ZC3H12B: variants seen among roughly 807,000 people sequenced by gnomAD.
ZC3H12B encodes the protein probable ribonuclease ZC3H12B.
In ZC3H12B, 7 loss-of-function variants were observed where a neutral mutation model predicts 43.9. The observed-to-expected ratio is 0.16, with a 90% confidence interval of 0.09 to 0.30. ZC3H12B has a LOEUF of 0.30. Among genes scored for constraint, ZC3H12B ranks in the 10% least tolerant of loss-of-function variants. The pLI, the probability that ZC3H12B is intolerant of heterozygous loss-of-function variation, is 1.00. For synonymous variants in ZC3H12B, 222 were observed against 241.7 expected (o/e 0.92, Z 0.76); for missense variants, 475 against 670.2 (o/e 0.71, Z 3.22).
At chrX:65,438,855 G>T (rs887485048) in intron 3 of ZC3H12B, among the ~76,000 whole-genome samples, 1 of 113,076 alleles carries the variant, frequency 8.8e-6, no homozygotes, top group African/African-American at 3.2e-5. Context: ...TGGCCATTAT[G>T]GACATGTTAC....
chrX:65,120,825 C>T, the ZC3H12B span, among the ~76,000 whole-genome samples: 8 of 111,487 alleles, frequency 7.2e-5, no homozygotes, highest in African/African-American at 2.6e-4. Context: ...TACGTCTCAT[C>T]AATACCAAAT....
At chrX:65,119,154 G>A in the ZC3H12B span, among the ~76,000 whole-genome samples, 1 of 111,220 alleles carries the variant, frequency 9.0e-6, no homozygotes, top group African/African-American at 3.3e-5. Flanking sequence ...TAATCCTTTG[G>A]GTGTATACCC....
chrX:65,219,466 C>T, the ZC3H12B span, among the ~76,000 whole-genome samples: 1 of 111,135 alleles, frequency 9.0e-6, no homozygotes, highest in Non-Finnish European at 1.9e-5. Flanking sequence ...TTTAAAAAAT[C>T]ACAACTTCTG....
upstream of ZC3H12B, among the ~76,000 whole-genome samples, chrX:65,362,789 C>T (rs2066121918): frequency 9.0e-6 from 1 of 111,069 alleles, no homozygotes; most frequent in Admixed American, 9.5e-5. Context: ...TTACAATTCC[C>T]CCACTTTACC....
the ZC3H12B span, among the ~76,000 whole-genome samples, chrX:65,218,268 C>T: frequency 3.6e-5 from 4 of 111,870 alleles, no homozygotes; most frequent in African/African-American, 1.3e-4. Context: ...TGAACTTTTG[C>T]TCCAAGAATT....
At chrX:65,374,082 A>G (rs1318729514) in intron 2 of ZC3H12B, among the ~76,000 whole-genome samples, 1 of 63,449 alleles carries the variant, frequency 1.6e-5, no homozygotes, top group Non-Finnish European at 2.5e-5. Context: ...ATATAACTAT[A>G]TATAGTATAT....
intron 3 of ZC3H12B, among the ~76,000 whole-genome samples, chrX:65,404,666 T>C (rs906563062): frequency 6.3e-5 from 7 of 111,382 alleles, no homozygotes; most frequent in African/African-American, 2.3e-4. Context: ...CAATTTTAAA[T>C]ATATATGCAC....
chrX:65,099,864 A>G, the ZC3H12B span, among the ~76,000 whole-genome samples: 1 of 111,737 alleles, frequency 8.9e-6, no homozygotes, highest in African/African-American at 3.3e-5. Context: ...CAAGGGTGCA[A>G]ACTGGACAGA....
At chrX:65,298,892 G>A in the ZC3H12B span, among the ~76,000 whole-genome samples, 2 of 111,655 alleles carry the variant, frequency 1.8e-5, no homozygotes, top group East Asian at 2.8e-4. Context: ...GGAAAGAGAT[G>A]TGCCAAGCAA....
At chrX:65,172,384 T>C in the ZC3H12B span, among the ~76,000 whole-genome samples, 2 of 112,220 alleles carry the variant, frequency 1.8e-5, no homozygotes, top group Non-Finnish European at 3.8e-5. Context: ...ATGTTGCCTG[T>C]TCACTCTGAT....
chrX:65,490,379 G>GAA (rs1032989325), intron 1 of ZC3H12B, among the ~76,000 whole-genome samples: 1,096 of 54,972 alleles, frequency 0.02, 50 homozygotes, highest in African/African-American at 0.072. Flanking sequence ...ACTGTTTCAG[G>GAA]AAAAAAAAAA....
Position 65,382,539 on chromosome X carries a change from G to A in ZC3H12B, n.295+13541G>A, listed in dbSNP as rs974619392. Among the ~76,000 whole-genome samples the A allele has an allele frequency of 5.4e-5, 6 of 111,318 alleles. 1 individual carries two copies. Among genetic ancestry groups the A allele is most frequent in the African/African-American group, 2.0e-4 (6 of 30,510 alleles). ...CTGGAAGCATTCCCTTTGAAAACTG[G>A]CACAAGACAGGTATACCCTCTCTCA... On this transcript the variant is annotated intron_variant and non_coding_transcript_variant, in intron 2 of 5. Coordinates refer to the ZC3H12B transcript ENST00000617377.
At chrX:65,213,907 ATACACACACACATATATG>A in the ZC3H12B span, among the ~76,000 whole-genome samples, 2 of 102,673 alleles carry the variant, frequency 1.9e-5, no homozygotes, top group Non-Finnish European at 1.9e-5. Context: ...ATACATATAT[ATACACACACACATATATG>A]TACACACACA....
intron 3 of ZC3H12B, among the ~76,000 whole-genome samples, chrX:65,407,921 C>G (rs2066854484): frequency 8.8e-6 from 1 of 113,716 alleles, no homozygotes; most frequent in Non-Finnish European, 1.9e-5. Flanking sequence ...CTGCGGGCGC[C>G]GAGTGGCCGG....
chrX:65,121,098 G>T, the ZC3H12B span, among the ~76,000 whole-genome samples: 3 of 111,052 alleles, frequency 2.7e-5, no homozygotes, highest in African/African-American at 9.8e-5. Flanking sequence ...CAGGGATATT[G>T]GTCTAAAATT....
intron 3 of ZC3H12B, among the ~76,000 whole-genome samples, chrX:65,452,855 C>CACAA (rs1198424997): frequency 2.8e-4 from 30 of 108,545 alleles, no homozygotes; most frequent in African/African-American, 1.0e-3. Flanking sequence ...CACACACACA[C>CACAA]ACACACACAC....
the ZC3H12B span, among the ~76,000 whole-genome samples, chrX:65,252,999 A>G: frequency 8.9e-6 from 1 of 112,233 alleles, no homozygotes; most frequent in African/African-American, 3.2e-5. Flanking sequence ...TAGTAAATTG[A>G]TTTGGAAATT....
chrX:65,148,257 T>C, the ZC3H12B span, among the ~76,000 whole-genome samples: 2 of 108,372 alleles, frequency 1.8e-5, no homozygotes, highest in Middle Eastern at 5.4e-3. Context: ...ATCTGAAATC[T>C]TGGACGGGCC....
the ZC3H12B span, among the ~76,000 whole-genome samples, chrX:65,172,744 G>A: frequency 9.0e-6 from 1 of 111,717 alleles, no homozygotes; most frequent in South Asian, 3.7e-4. Context: ...TAGATGTGTG[G>A]CATTATATCT....
Sources: allele counts gnomAD v4.1 joint callset (sites outside exome capture counted in the v4.1 genomes callset), GRCh38; gene constraint gnomAD v4.1.1; transcripts MANE v1.5; gene names NCBI Gene and HGNC (gene_info 2026-07-23, HGNC 2026-07-21).